Variants in ZNF773 observed in about 807,000 individuals in gnomAD.
The protein encoded by ZNF773 is zinc finger protein 773.
Under a neutral mutation model 12.8 loss-of-function variants are expected in ZNF773, and 11 were observed. That is an observed-to-expected ratio of 0.86 (90% CI 0.54 to 1.42). The LOEUF is 1.42. Ranked by LOEUF, ZNF773 falls within the 40% of genes most tolerant of loss-of-function variation. The pLI, the probability that ZNF773 is intolerant of heterozygous loss-of-function variation, is 0.00. For missense variants in ZNF773, 518 were observed against 527.2 expected (o/e 0.98, Z 0.17); for synonymous variants, 175 against 178.4 (o/e 0.98, Z 0.15).
At chr19:57,512,964 C>A, downstream of ZNF773, 1 of 1,484,552 alleles carries the variant, frequency 6.7e-7, no homozygotes, top group South Asian at 1.4e-5. Flanking sequence ...GCCCTCTGAC[C>A]CCTTCTTTAA....
At position 57,504,684 on chromosome 19, in the gene ZNF773, G is replaced by T; in HGVS notation, c.61G>T (p.Ala21Ser). The change falls in exon 2 of 4, where the codon GCT becomes TCT. Residue 21 changes from alanine to serine, a missense_variant. Physicochemically the swap from Ala to Ser is moderately conservative, Grantham distance 99. Transcript: ENST00000282292. ...QQGYVTFEDVAVYFSQEEWRL... is the reference protein window; with the variant it reads ...QQGYVTFEDVSVYFSQEEWRL... ...GGGCTATGTGACCTTTGAGGACGTG[G>T]CTGTCTACTTCTCCCAGGAGGAATG... is the stretch of plus-strand genomic sequence containing the variant. 2 of 1,614,032 alleles carry T rather than the reference G, an allele frequency of 1.2e-6. No homozygotes were observed. The highest frequency in any genetic ancestry group is 1.3e-5 in the African/African-American group (1 of 75,000).
downstream of ZNF773, among the ~76,000 whole-genome samples, chr19:57,512,682 C>T (rs983041365): frequency 2.6e-5 from 4 of 152,232 alleles, no homozygotes; most frequent in South Asian, 8.3e-4. Context: ...TATGAGCAAA[C>T]AACAAACTAG....
rs146343876 is a variant in ZNF773 at position 57,506,501 on chromosome 19, A to T, written c.406A>T (p.Arg136Trp). The change falls in exon 4 of 4, where the codon AGG becomes TGG. Residue 136 changes from arginine (R) to tryptophan (W), a missense_variant. Transcript: ENST00000282292. ...ACAAGAGGGCAGGGTCCCAGTTTTG[A>T]GGAGTTGCAGAGTCCACCTATCAGA... Reference protein sequence around the residue: ...KRQEGRVPVLRSCRVHLSEKS... With the variant: ...KRQEGRVPVLWSCRVHLSEKS... 429 of 1,614,232 alleles carry T rather than the reference A, an allele frequency of 2.7e-4. No individual in the cohort carries two copies. The highest frequency in any genetic ancestry group is 4.3e-4 in the Admixed American group (26 of 60,026).
At chr19:57,511,894 A>G (rs2089798904), downstream of ZNF773, among the ~76,000 whole-genome samples, 1 of 152,214 alleles carries the variant, frequency 6.6e-6, no homozygotes, top group Non-Finnish European at 1.5e-5. Context: ...AGCTGAGTGG[A>G]AGAAGCCAGA....
At chr19:57,508,538 C>A (rs529014835), downstream of ZNF773, 2 of 700,608 alleles carry the variant, frequency 2.9e-6, no homozygotes, top group African/African-American at 1.7e-5. Flanking sequence ...CGTAACAGGT[C>A]GGCAAATCTC....
chr19:57,503,844 G>C (rs537971546), intron 1 of ZNF773, among the ~76,000 whole-genome samples: 1 of 152,128 alleles, frequency 6.6e-6, no homozygotes, highest in Non-Finnish European at 1.5e-5. Flanking sequence ...TTCGGGTAGA[G>C]ACAGGGTTTC....
In ZNF773 at chr19:57,504,592, T is replaced by A. The variant is rs1600149728; in HGVS notation, c.34-65T>A. The A allele has an allele frequency of 5.6e-6, 9 of 1,600,794 alleles. No individual in the cohort carries two copies. In the East Asian group the frequency reaches 2.0e-4, roughly 36 times the overall value. On this transcript the variant is annotated intron_variant, in intron 1 of 3. Transcript: ENST00000282292. ...GGAAGAGGGTGAGCAGGGGTGGATG[T>A]TTAGGGGGATGCCTAAATTCCCCAG...
downstream of ZNF773, among the ~76,000 whole-genome samples, chr19:57,509,788 G>C (rs972609605): frequency 6.6e-6 from 1 of 152,118 alleles, no homozygotes; most frequent in African/African-American, 2.4e-5. Flanking sequence ...TAAGTTCTTT[G>C]TGGTTGTAGG....
rs137990934 is a variant in ZNF773 at position 57,506,369 on chromosome 19, G to A, written c.274G>A (p.Gly92Arg). The A allele has an allele frequency of 1.1e-5, 17 of 1,602,010 alleles. No homozygotes were observed. The highest frequency in any genetic ancestry group is 1.4e-5 in the African/African-American group (1 of 74,044). The change falls in exon 4 of 4, where the codon GGA (glycine) becomes AGA (arginine). Residue 92 changes from glycine to arginine, a missense_variant. Physicochemically the swap from Gly to Arg is moderately radical, Grantham distance 125. Coordinates refer to ENST00000282292, the MANE Select transcript of ZNF773 (RefSeq NM_198542.3). The stretch of plus-strand genomic sequence containing the variant: ...TTCTCTTCTTTCAGGTAGTTGGCAA[G>A]GAGCCAAGGCTGAGGCAGCTGCTGA... ...TSAILRGSWQ[G>R]AKAEAAAEQS...
downstream of ZNF773, among the ~76,000 whole-genome samples, chr19:57,511,502 C>A (rs1459124029): frequency 1.3e-5 from 2 of 152,154 alleles, no homozygotes; most frequent in East Asian, 1.9e-4. Flanking sequence ...TCACACAACA[C>A]TCTATTGTCA....
chr19:57,505,248 G>A, intron 2 of ZNF773, 54 bp from the exon 3 acceptor site: 1 of 1,504,474 alleles, frequency 6.6e-7, no homozygotes, highest in Admixed American at 1.7e-5. Flanking sequence ...TGTGGTCCAT[G>A]ATGAGATAAG....
downstream of ZNF773, among the ~76,000 whole-genome samples, chr19:57,511,719 T>TCA (rs547784597): frequency 0.014 from 1,980 of 143,322 alleles, 35 homozygotes; most frequent in South Asian, 0.057. Context: ...AAGCTGTTTT[T>TCA]CACACACACA....
At chr19:57,512,481 G>A (rs375099110), downstream of ZNF773, among the ~76,000 whole-genome samples, 634 of 138,502 alleles carry the variant, frequency 4.6e-3, 8 homozygotes, top group African/African-American at 0.016. Flanking sequence ...TTGGCTCACC[G>A]CAACCTCTGC....
chr19:57,511,869 TA>T (rs147280458), downstream of ZNF773, among the ~76,000 whole-genome samples: 31,396 of 149,832 alleles, frequency 0.21, 3,368 homozygotes, highest in African/African-American at 0.25. Flanking sequence ...ACAGCATAGA[TA>T]AAAAAAAGCC....
chr19:57,503,657 C>CTTT (rs150122476), intron 1 of ZNF773, among the ~76,000 whole-genome samples: 1 of 132,306 alleles, frequency 7.6e-6, no homozygotes, highest in African/African-American at 2.8e-5. Flanking sequence ...GAGACGTGGG[C>CTTT]TTTTTTTTTT....
At chr19:57,516,365 C>T (rs1453141978), downstream of ZNF773, 1 of 153,600 alleles carries the variant, frequency 6.5e-6, no homozygotes, top group Non-Finnish European at 1.5e-5. Context: ...GAGGCAAAAA[C>T]TTATTGGGCA....
downstream of ZNF773, chr19:57,508,412 C>A: frequency 3.1e-6 from 2 of 639,284 alleles, no homozygotes; most frequent in South Asian, 1.9e-5. Flanking sequence ...ATGTTACTCA[C>A]TTTTGCTGTT....
At chr19:57,508,408 C>T, downstream of ZNF773, 2 of 625,864 alleles carry the variant, frequency 3.2e-6, no homozygotes, top group Non-Finnish European at 5.6e-6. Flanking sequence ...TCAGATGTTA[C>T]TCACTTTTGC....
At chr19:57,500,288 G>T (rs1013901148) in intron 1 of ZNF773, among the ~76,000 whole-genome samples, 175 bp downstream of exon 1, 2 of 152,068 alleles carry the variant, frequency 1.3e-5, no homozygotes, top group African/African-American at 2.4e-5. Context: ...GATGTGAGGC[G>T]CATTCAGCGA....
Sources: allele counts gnomAD v4.1 joint callset (sites outside exome capture counted in the v4.1 genomes callset), GRCh38; gene constraint gnomAD v4.1.1; transcripts MANE v1.5; gene names NCBI Gene and HGNC (gene_info 2026-07-23, HGNC 2026-07-21).